Variants in CNTNAP2 observed in about 807,000 individuals in gnomAD.
CNTNAP2 encodes the protein contactin associated protein 2, also known as contactin-associated protein-like 2.
CNTNAP2 carries 98 observed loss-of-function variants against 155.2 expected under a neutral mutation model. The observed-to-expected ratio is 0.63, with a 90% CI of 0.54 to 0.75. The LOEUF (loss-of-function observed/expected upper bound fraction) is 0.75, where lower values mean the gene tolerates loss of function less well. Among genes scored for constraint, CNTNAP2 ranks in the 30% least tolerant of loss-of-function variants. The pLI is 0.00. For missense variants in CNTNAP2, 1,727 were observed against 1,688.1 expected (o/e 1.02, Z -0.40); for synonymous variants, 651 against 631.2 (o/e 1.03, Z -0.47).
At chr7:147,404,207 A>G (rs1257938331) in intron 10 of CNTNAP2, among the ~76,000 whole-genome samples, 1 of 152,196 alleles carries the variant, frequency 6.6e-6, no homozygotes, top group East Asian at 1.9e-4. Flanking sequence ...CATTTGCTCA[A>G]TCCTGACATC....
chr7:147,643,156 T>A (rs894299574), intron 13 of CNTNAP2, among the ~76,000 whole-genome samples: 1 of 152,156 alleles, frequency 6.6e-6, no homozygotes, highest in Non-Finnish European at 1.5e-5. Context: ...AGGTTTCTCA[T>A]GTTGGAATTT....
intron 1 of CNTNAP2, among the ~76,000 whole-genome samples, chr7:146,451,097 C>A (rs2129122242): frequency 6.6e-6 from 1 of 152,214 alleles, no homozygotes; most frequent in South Asian, 2.1e-4. Context: ...CAGGCACCGA[C>A]CACATCACCC....
intron 3 of CNTNAP2, among the ~76,000 whole-genome samples, chr7:146,902,535 T>C (rs1238105865): frequency 6.6e-6 from 1 of 152,208 alleles, no homozygotes; most frequent in East Asian, 1.9e-4. Flanking sequence ...ATAAAGGGTA[T>C]GCAAAAACAG....
intron 11 of CNTNAP2, among the ~76,000 whole-genome samples, chr7:147,496,197 T>TAC (rs1263207850): frequency 1.3e-5 from 2 of 152,048 alleles, no homozygotes; most frequent in African/African-American, 4.8e-5. Flanking sequence ...AATAAATGTA[T>TAC]GTACTTGAAT....
At chr7:147,154,035 G>C (rs1801876514) in intron 8 of CNTNAP2, among the ~76,000 whole-genome samples, 1 of 152,024 alleles carries the variant, frequency 6.6e-6, no homozygotes, top group Non-Finnish European at 1.5e-5. Flanking sequence ...TTCCAAGAAA[G>C]TGCAGTGTGA....
chr7:146,321,663 C>T (rs928222273), intron 1 of CNTNAP2, among the ~76,000 whole-genome samples: 13 of 152,084 alleles, frequency 8.5e-5, no homozygotes, highest in African/African-American at 1.4e-4. Context: ...CAGAATAAAG[C>T]GACATAGCTC....
At chr7:146,414,147 A>ATTTTAT (rs1393742502) in intron 1 of CNTNAP2, among the ~76,000 whole-genome samples, 15 of 152,262 alleles carry the variant, frequency 9.9e-5, no homozygotes, top group African/African-American at 3.6e-4. Context: ...ACACGTTTCT[A>ATTTTAT]TTTTATATGC....
intron 21 of CNTNAP2, among the ~76,000 whole-genome samples, chr7:148,312,892 G>T (rs1176436711): frequency 6.6e-6 from 1 of 150,710 alleles, no homozygotes; most frequent in Non-Finnish European, 1.5e-5. Context: ...CTATACTTGT[G>T]GGTTAAGGTG....
At chr7:146,337,618 T>G (rs1448557826) in intron 1 of CNTNAP2, among the ~76,000 whole-genome samples, 1 of 144,788 alleles carries the variant, frequency 6.9e-6, no homozygotes, top group Non-Finnish European at 1.5e-5. Context: ...GGCACATACC[T>G]GGCTTTTTTG....
At chr7:147,273,406 A>T (rs1804807095) in intron 8 of CNTNAP2, among the ~76,000 whole-genome samples, 1 of 152,094 alleles carries the variant, frequency 6.6e-6, no homozygotes, top group African/African-American at 2.4e-5. Flanking sequence ...CAGGCTTGTT[A>T]CCTGGATATA....
intron 1 of CNTNAP2, among the ~76,000 whole-genome samples, chr7:146,235,978 G>A (rs1799467390): frequency 6.6e-6 from 1 of 151,488 alleles, no homozygotes. Context: ...GTGTGTGTGT[G>A]TGCGCGCGTA....
chr7:146,362,986 G>C (rs1000016745), intron 1 of CNTNAP2, among the ~76,000 whole-genome samples: 1 of 152,000 alleles, frequency 6.6e-6, no homozygotes, highest in Non-Finnish European at 1.5e-5. Flanking sequence ...GGCCAGGATA[G>C]TGTCGATCTC....
intron 1 of CNTNAP2, among the ~76,000 whole-genome samples, chr7:146,740,835 C>T (rs922909403): frequency 1.3e-5 from 2 of 152,188 alleles, no homozygotes; most frequent in African/African-American, 2.4e-5. Context: ...TGAGGGCTAC[C>T]CAAAGCCTGG....
intron 1 of CNTNAP2, among the ~76,000 whole-genome samples, chr7:146,594,433 T>TAC (rs4016062): frequency 0.018 from 2,669 of 149,414 alleles, 65 homozygotes; most frequent in African/African-American, 0.05. Flanking sequence ...TACTAGTGTT[T>TAC]ACACACACAC....
chr7:146,920,976 G>A (rs1206530223), intron 3 of CNTNAP2, among the ~76,000 whole-genome samples: 1 of 152,048 alleles, frequency 6.6e-6, no homozygotes, highest in Non-Finnish European at 1.5e-5. Flanking sequence ...TAAATGGTAG[G>A]GCATATTTTA....
intron 10 of CNTNAP2, 123 bp downstream of exon 10, chr7:147,395,903 C>G: frequency 9.7e-7 from 1 of 1,033,698 alleles, no homozygotes; most frequent in Non-Finnish European, 1.5e-6. Context: ...TGGAAATTAC[C>G]ATTCAAAGTA....
At chr7:147,320,857 T>A (rs1172981113) in intron 9 of CNTNAP2, among the ~76,000 whole-genome samples, 1 of 152,178 alleles carries the variant, frequency 6.6e-6, no homozygotes, top group African/African-American at 2.4e-5. Context: ...TCCTGTCTAG[T>A]GGGCTGCATG....
chr7:146,414,546 GCCTACTGTGTT>G (rs1795910144), intron 1 of CNTNAP2, among the ~76,000 whole-genome samples: 1 of 152,142 alleles, frequency 6.6e-6, no homozygotes, highest in South Asian at 2.1e-4. Context: ...CCTGGCAGCT[GCCTACTGTGTT>G]ATCCCTGAGC....
intron 1 of CNTNAP2, among the ~76,000 whole-genome samples, chr7:146,768,373 T>C (rs1434869838): frequency 6.6e-6 from 1 of 151,892 alleles, no homozygotes; most frequent in Non-Finnish European, 1.5e-5. Flanking sequence ...GCTCCAGGAC[T>C]GCACCTTGCC....
Sources: allele counts gnomAD v4.1 joint callset (sites outside exome capture counted in the v4.1 genomes callset), GRCh38; gene constraint gnomAD v4.1.1; transcripts MANE v1.5; gene names NCBI Gene and HGNC (gene_info 2026-07-23, HGNC 2026-07-21).